The following UACA variants were observed in gnomAD, a reference collection of about 807,000 sequenced individuals.
UACA encodes the protein nuclear membrane binding protein.
In UACA, 112 loss-of-function variants were observed where a neutral mutation model predicts 160.5. The observed-to-expected ratio is 0.70, with a 90% confidence interval of 0.60 to 0.82. The LOEUF is 0.82. Among genes scored for constraint, UACA ranks in the 40% least tolerant of loss-of-function variants. The probability of loss-of-function intolerance (pLI) is 0.00; values close to 1 mark genes in which losing one functional copy is unlikely to be tolerated. For missense variants in UACA, 1,574 were observed against 1,614.6 expected (o/e 0.97, Z 0.43); for synonymous variants, 557 against 568.4 (o/e 0.98, Z 0.29).
At chr15:70,684,945 AC>A (rs1228426377) in intron 7 of UACA, among the ~76,000 whole-genome samples, 3 of 152,092 alleles carry the variant, frequency 2.0e-5, no homozygotes, top group Non-Finnish European at 4.4e-5. Context: ...AATAATCACC[AC>A]AAAAATTTTC....
Position 70,670,250 on chromosome 15 carries a change from T to C in UACA, c.1222-788A>G, listed in dbSNP as rs1205394526. ...TTGACTGGTAAAGGAAAATAGCCCC[T>C]AGAGAGCAGGTGCACAACCTTAGTA... On this transcript the variant is annotated intron_variant, in intron 15 of 18. Coordinates refer to ENST00000322954, the MANE Select transcript of UACA (RefSeq NM_018003.4). 2.0e-5 allele frequency among the ~76,000 whole-genome samples: 3 copies of C among 152,236 alleles called. No individual in the cohort carries two copies. In the East Asian group the frequency reaches 5.8e-4, roughly 29 times the overall value.
chr15:70,689,188 C>T (rs775354871), intron 5 of UACA, among the ~76,000 whole-genome samples: 29 of 152,106 alleles, frequency 1.9e-4, no homozygotes, highest in Non-Finnish European at 3.4e-4. Flanking sequence ...GGAAGATACT[C>T]ACAGGTAAGT....
At chr15:70,673,758 T>TA (rs1897216389) in intron 13 of UACA, among the ~76,000 whole-genome samples, 1 of 152,242 alleles carries the variant, frequency 6.6e-6, no homozygotes, top group Admixed American at 6.5e-5. Context: ...ACATAACTCG[T>TA]AACAGTAATT....
In UACA at chr15:70,678,161, T is replaced by C. The variant is rs1897355573; in HGVS notation, c.937A>G (p.Ile313Val). The change falls in exon 11 of 19, where the codon ATT (isoleucine) becomes GTT (valine). Residue 313 changes from isoleucine (I) to valine (V), a missense_variant. By Grantham distance (29) the Ile-to-Val change is conservative. Coordinates refer to ENST00000322954, the MANE Select transcript of UACA (RefSeq NM_018003.4). ...NEDLKERLRK[I>V]QQEQRILLDK... ...AAAAGTATTCTTTGTTCTTGCTGAA[T>C]TTTTCTCAACCTCTCTTTCAAATCT... The C allele has an allele frequency of 6.2e-7, 1 of 1,611,718 alleles. No homozygotes were observed. The highest frequency in any genetic ancestry group is 1.1e-5 in the South Asian group (1 of 90,686).
chr15:70,755,012 A>G (rs2030334838), intron 1 of UACA, among the ~76,000 whole-genome samples: 1 of 152,256 alleles, frequency 6.6e-6, no homozygotes, highest in African/African-American at 2.4e-5. Context: ...AAGCACGTGC[A>G]GGTGGAAATT....
rs145715387 is a variant in UACA, at chr15:70,678,128, C to A, written c.970G>T (p.Val324Phe). 33 of 1,607,576 alleles carry A rather than the reference C, an allele frequency of 2.1e-5. No homozygotes were observed. Among genetic ancestry groups the A allele is most frequent in the Non-Finnish European group, 2.8e-5 (33 of 1,178,406 alleles). ...QQEQRILLDKVNGLQLQLNEE... is the reference protein window; with the variant it reads ...QQEQRILLDKFNGLQLQLNEE... ...TTCAGCTGTAACTGTAAACCATTGA[C>A]TTTATCCAAAAGTATTCTTTGTTCT... The change falls in exon 11 of 19, where the codon GTC becomes TTC. Residue 324 changes from valine (V) to phenylalanine (F), a missense_variant. Transcript: ENST00000322954.
chr15:70,676,640 T>C (rs752871849), intron 12 of UACA, 49 bp from the exon 13 acceptor site: 1 of 1,494,936 alleles, frequency 6.7e-7, no homozygotes, highest in Non-Finnish European at 9.3e-7. Context: ...TGCTTGGAAT[T>C]GGATTAAAAA....
rs78821209 is a variant in UACA at position 70,669,310 on chromosome 15, T to G, written c.1374A>C (p.Gln458His). ...AMRTFCESAK[Q>H]DRLKLQNELA... is the part of the protein sequence containing the mutation. ...GTTCATTTTGGAGCTTCAGTCGGTCTTGTTTTGCTGACTCACAGAAAGTTC... is the reference window on the plus strand; with the variant it reads ...GTTCATTTTGGAGCTTCAGTCGGTCGTGTTTTGCTGACTCACAGAAAGTTC... Residue 458 changes from glutamine to histidine, a missense_variant, in exon 16 of 19, where the codon CAA (glutamine) becomes CAC (histidine). Physicochemically the swap from Gln to His is conservative, Grantham distance 24. Coordinates refer to ENST00000322954, the MANE Select transcript of UACA (RefSeq NM_018003.4). 3.1e-3 allele frequency: 5,051 copies of G among 1,614,134 alleles called. 12 individuals are homozygous for G. Among genetic ancestry groups the G allele is most frequent in the Non-Finnish European group, 3.8e-3 (4,439 of 1,179,982 alleles).
At chr15:70,695,189 C>A (rs1411250767) in intron 2 of UACA, 84 bp from the exon 3 acceptor site, 2 of 778,754 alleles carry the variant, frequency 2.6e-6, no homozygotes, top group Middle Eastern at 2.5e-4. Context: ...CCTTTTTCAA[C>A]ACACACACAC....
chr15:70,756,985 A>G (rs915037702), intron 1 of UACA, among the ~76,000 whole-genome samples: 2 of 152,230 alleles, frequency 1.3e-5, no homozygotes, highest in African/African-American at 2.4e-5. Flanking sequence ...GCTGATGATT[A>G]TATTTCCTCG....
At chr15:70,727,383 T>A (rs1480446364) in intron 1 of UACA, among the ~76,000 whole-genome samples, 1 of 152,178 alleles carries the variant, frequency 6.6e-6, no homozygotes, top group East Asian at 1.9e-4. Flanking sequence ...AATTAAAAAT[T>A]GCTGTATAAC....
chr15:70,739,454 T>G (rs1176420897), intron 1 of UACA, among the ~76,000 whole-genome samples: 1 of 152,060 alleles, frequency 6.6e-6, no homozygotes, highest in Non-Finnish European at 1.5e-5. Flanking sequence ...ACCACTGTTA[T>G]AAAGGGATGA....
In UACA at chr15:70,668,562, A is replaced by C; in HGVS notation, c.2122T>G (p.Leu708Val). Residue 708 changes from leucine (L) to valine (V), a missense_variant, in exon 16 of 19, where the codon TTA becomes GTA. Physicochemically the swap from Leu to Val is conservative, Grantham distance 32 (BLOSUM62 1). Coordinates refer to ENST00000322954, the MANE Select transcript of UACA (RefSeq NM_018003.4). Reference protein sequence around the residue: ...SGELGKKITELTLKNQTLQKE... With the variant: ...SGELGKKITEVTLKNQTLQKE... ...TGTAGTGTCTGATTTTTCAATGTTA[A>C]CTCAGTGATCTTCTTCCCAAGTTCT... 1 of 1,612,556 alleles carries C rather than the reference A, an allele frequency of 6.2e-7. No individual in the cohort carries two copies. Among genetic ancestry groups the C allele is most frequent in the Non-Finnish European group, 8.5e-7 (1 of 1,179,834 alleles).
chr15:70,687,955 G>T, intron 5 of UACA, 135 bp from the exon 6 acceptor site: 1 of 729,846 alleles, frequency 1.4e-6, no homozygotes, highest in African/African-American at 1.8e-5. Flanking sequence ...TCTTAGTTTA[G>T]CATTATAAGC....
At chr15:70,700,080 T>C (rs1355058256) in intron 1 of UACA, among the ~76,000 whole-genome samples, 1 of 151,974 alleles carries the variant, frequency 6.6e-6, no homozygotes, top group Non-Finnish European at 1.5e-5. Flanking sequence ...ATGTCTTAAG[T>C]GTTCAAAAGC....
intron 3 of UACA, among the ~76,000 whole-genome samples, chr15:70,694,634 ATTC>A (rs1320464446): frequency 6.6e-6 from 1 of 152,174 alleles, no homozygotes; most frequent in Non-Finnish European, 1.5e-5. Context: ...CATGTCAGCT[ATTC>A]TTGTTATTAT....
At chr15:70,672,403 T>G (rs1170151934) in intron 13 of UACA, among the ~76,000 whole-genome samples, 1 of 152,176 alleles carries the variant, frequency 6.6e-6, no homozygotes, top group Non-Finnish European at 1.5e-5. Flanking sequence ...GCAGAAACCC[T>G]ACCTCATTGA....
At chr15:70,762,543 G>A (rs1417016388) in intron 1 of UACA, among the ~76,000 whole-genome samples, 2 of 152,120 alleles carry the variant, frequency 1.3e-5, no homozygotes, top group Non-Finnish European at 2.9e-5. Flanking sequence ...CTGTTCTCCT[G>A]CCAACTAAAG....
chr15:70,736,745 T>C (rs371102533), intron 1 of UACA, among the ~76,000 whole-genome samples: 34 of 152,170 alleles, frequency 2.2e-4, no homozygotes, highest in African/African-American at 7.5e-4. Flanking sequence ...AGCCTCAACC[T>C]GGTTTTAAAT....
Sources: allele counts gnomAD v4.1 joint callset (sites outside exome capture counted in the v4.1 genomes callset), GRCh38; gene constraint gnomAD v4.1.1; transcripts MANE v1.5; gene names NCBI Gene and HGNC (gene_info 2026-07-23, HGNC 2026-07-21).